UTP20: variants seen among roughly 807,000 people sequenced by gnomAD.
UTP20 encodes the protein small subunit processome component 20 homolog.
Under a neutral mutation model 329.5 loss-of-function variants are expected in UTP20, and 164 were observed. The ratio of observed to expected loss-of-function variants is 0.50; its 90% CI spans 0.44 to 0.57. The LOEUF is 0.57. UTP20 is among the 20% of genes least tolerant of loss of function. UTP20 has a pLI of 0.00. For synonymous variants in UTP20, 1,151 were observed against 1,159.3 expected (o/e 0.99, Z 0.14); for missense variants, 3,055 against 3,284.2 (o/e 0.93, Z 1.71).
At chr12:101,368,574 G>T (rs7304420) in intron 48 of UTP20, among the ~76,000 whole-genome samples, 33,419 of 151,998 alleles carry the variant, frequency 0.22, 8,344 homozygotes, top group African/African-American at 0.58. Flanking sequence ...CCTTAAGTAT[G>T]TCACTGGATC....
At chr12:101,360,517 A>G (rs1869876446) in intron 43 of UTP20, among the ~76,000 whole-genome samples, 1 of 152,196 alleles carries the variant, frequency 6.6e-6, no homozygotes, top group South Asian at 2.1e-4. Context: ...GTCTATATAT[A>G]AAAGTACTTA....
chr12:101,358,284 A>G (rs955721401), intron 43 of UTP20, among the ~76,000 whole-genome samples: 1 of 152,234 alleles, frequency 6.6e-6, no homozygotes, highest in African/African-American at 2.4e-5. Context: ...TAGAAACCAT[A>G]TCACCCTGTA....
Position 101,308,202 on chromosome 12 carries a change from G to A in UTP20, c.2013G>A (p.Glu671=). ...TTATTCAGGATGATGGGCTCTCAGA[G>A]CGGCAGTCTGTCTTTGCTATATTAC... ...PESMEDDGLS[E]RQSVFAILRQ... The change falls in exon 18 of 62, where the codon GAG becomes GAA. Residue 671 remains glutamate, a synonymous_variant. Coordinates refer to ENST00000261637, the MANE Select transcript of UTP20 (RefSeq NM_014503.3). The A allele has an allele frequency of 2.5e-6, 4 of 1,610,150 alleles. No homozygotes were observed. Among genetic ancestry groups the A allele is most frequent in the Non-Finnish European group, 3.4e-6 (4 of 1,178,220 alleles).
At position 101,345,506 on chromosome 12, in the gene UTP20, C is replaced by T. The variant is rs1229781403; in HGVS notation, c.4606-48C>T. The T allele has an allele frequency of 2.5e-6, 3 of 1,222,854 alleles. No individual in the cohort carries two copies. The African/African-American group carries it at 4.7e-5, about 19-fold the overall frequency. 75.8% of individuals were successfully genotyped at this position (1,222,854 alleles called of 1,614,324 possible). A position where few individuals can be genotyped will look rare whatever the true frequency, so the allele number is the denominator to read the frequency against. On this transcript the variant is annotated intron_variant, in intron 36 of 61. Transcript: ENST00000261637. ...TTTTTCTGTTTCCTCATATTAGAAA[C>T]AAATTCTTTTTAAAATAAAATGTTT...
In UTP20 at chr12:101,308,252, C is replaced by G. The variant is rs773955980; in HGVS notation, c.2063C>G (p.Thr688Ser). 56 of 1,613,162 alleles carry G rather than the reference C, an allele frequency of 3.5e-5. No individual in the cohort carries two copies. Among genetic ancestry groups the G allele is most frequent in the Non-Finnish European group, 4.7e-5 (56 of 1,179,598 alleles). ...CGCCAGGCAGAACTTGTTCCAGCAA[C>G]TGTGAATGATTATAGAGAGAAGCTT... ...ILRQAELVPA[T>S]VNDYREKLLH... Residue 688 changes from threonine (T) to serine (S), a missense_variant, in exon 18 of 62, where the codon ACT becomes AGT. This residue lies in a region of UTP20 where 2,445 missense variants were observed against 2,575.5 expected (regional missense o/e 0.95). Coordinates refer to ENST00000261637, the MANE Select transcript of UTP20 (RefSeq NM_014503.3).
intron 30 of UTP20, 120 bp downstream of exon 30, chr12:101,338,397 T>C: frequency 1.0e-6 from 1 of 964,114 alleles, no homozygotes; most frequent in East Asian, 2.5e-5. Context: ...GAAGTTTCTT[T>C]TCCCTGGGAA....
chr12:101,372,095 A>G lies in UTP20; in HGVS notation c.6799-789A>G, dbSNP rs570761725. 2.6e-5 allele frequency among the ~76,000 whole-genome samples: 4 copies of G among 152,376 alleles called. No individual in the cohort carries two copies. The South Asian group carries it at 8.3e-4, about 32-fold the overall frequency. ...TTAGGAAGAAGAAGGGTCAGCTGCTATTAAGCACTAGCTGTGTGCCTAGCA... is the reference window on the plus strand; with the variant it reads ...TTAGGAAGAAGAAGGGTCAGCTGCTGTTAAGCACTAGCTGTGTGCCTAGCA... On this transcript the variant is annotated intron_variant, in intron 51 of 61. Coordinates refer to ENST00000261637, the MANE Select transcript of UTP20 (RefSeq NM_014503.3).
intron 25 of UTP20, among the ~76,000 whole-genome samples, chr12:101,324,846 T>C (rs1868502329): frequency 6.6e-6 from 1 of 152,238 alleles, no homozygotes; most frequent in Non-Finnish European, 1.5e-5. Context: ...ATTCCTTTTT[T>C]GTAGTCTTTC....
intron 31 of UTP20, among the ~76,000 whole-genome samples, chr12:101,340,179 T>C (rs774699841): frequency 6.6e-6 from 1 of 152,208 alleles, no homozygotes; most frequent in African/African-American, 2.4e-5. Flanking sequence ...CCCTTAAGTC[T>C]TGGCACTTAA....
At chr12:101,348,804 T>A (rs1869419476) in intron 38 of UTP20, among the ~76,000 whole-genome samples, 1 of 135,912 alleles carries the variant, frequency 7.4e-6, no homozygotes, top group South Asian at 2.6e-4. Flanking sequence ...CTTAAACACC[T>A]GGCCTCAAGC....
intron 30 of UTP20, among the ~76,000 whole-genome samples, chr12:101,338,603 G>A (rs1869014140): frequency 6.6e-6 from 1 of 152,138 alleles, no homozygotes; most frequent in Non-Finnish European, 1.5e-5. Flanking sequence ...AGCCTCAGGG[G>A]TCTCTTAAAT....
In UTP20 at chr12:101,329,318, G is replaced by A. The variant is rs769498323; in HGVS notation, c.3286G>A (p.Gly1096Ser). 1.4e-5 allele frequency: 22 copies of A among 1,613,936 alleles called. No individual in the cohort carries two copies. The East Asian group carries it at 1.6e-4, about 11-fold the overall frequency. The change falls in exon 27 of 62, where the codon GGT (glycine) becomes AGT (serine). Residue 1096 changes from glycine to serine, a missense_variant. Transcript: ENST00000261637. ...SKVLPLGRQH[G>S]ILNSLEIVLK... Reference sequence around the variant, plus strand: ...AGTTCTTCCTTTAGGTCGTCAGCACGGTATCTTAAACAGCCTTGAGATAGT... The same window carrying A: ...AGTTCTTCCTTTAGGTCGTCAGCACAGTATCTTAAACAGCCTTGAGATAGT...
intron 41 of UTP20, among the ~76,000 whole-genome samples, chr12:101,356,118 T>A (rs1869712671): frequency 6.6e-6 from 1 of 152,146 alleles, no homozygotes; most frequent in African/African-American, 2.4e-5. Flanking sequence ...GAAAGAGCTG[T>A]TTTTCTTTTC....
Position 101,331,375 on chromosome 12 carries a change from A to T in UTP20, c.3417+1926A>T, listed in dbSNP as rs371211124. Among the ~76,000 whole-genome samples, 9 of 152,320 alleles carry T rather than the reference A, an allele frequency of 5.9e-5. No homozygotes were observed. The East Asian group carries it at 1.7e-3, about 29-fold the overall frequency. On this transcript the variant is annotated intron_variant, in intron 27 of 61. Coordinates refer to ENST00000261637, the MANE Select transcript of UTP20 (RefSeq NM_014503.3). Reference sequence around the variant, plus strand: ...TAATATGTTTTTTCAAATATCAGGGATAATTTTTATCTTTCACTAAACTTG... The same window carrying T: ...TAATATGTTTTTTCAAATATCAGGGTTAATTTTTATCTTTCACTAAACTTG...
chr12:101,347,569 A>G (rs1443534383), intron 38 of UTP20, among the ~76,000 whole-genome samples: 2 of 152,172 alleles, frequency 1.3e-5, no homozygotes, highest in Non-Finnish European at 2.9e-5. Flanking sequence ...ATAGAAATTC[A>G]AATCTAACTG....
chr12:101,286,246 C>T (rs1221880104), intron 4 of UTP20, 75 bp from the exon 5 acceptor site: 5 of 1,288,220 alleles, frequency 3.9e-6, no homozygotes, highest in Admixed American at 2.3e-5. Flanking sequence ...GATCATAGGC[C>T]ACCTACTATC....
intron 56 of UTP20, 126 bp from the exon 57 acceptor site, chr12:101,379,245 C>T: frequency 1.3e-6 from 1 of 796,446 alleles, no homozygotes; most frequent in Non-Finnish European, 1.9e-6. Context: ...CAGCCATTGG[C>T]TTATTTTGTT....
chr12:101,314,587 G>C (rs1872904995), intron 21 of UTP20, among the ~76,000 whole-genome samples: 1 of 151,898 alleles, frequency 6.6e-6, no homozygotes, highest in Non-Finnish European at 1.5e-5. Context: ...GAACCCGGGA[G>C]GTGGAGGTTG....
rs1218544277 is a variant in UTP20 at position 101,280,396 on chromosome 12, G to T, written c.45+69G>T. ...CTCAGTCGTGAGACAGGCTCTGAGC[G>T]AGACTCCAGGGGCCTCAGACTTCTG... is the stretch of plus-strand genomic sequence containing the variant. On this transcript the variant is annotated intron_variant, in intron 1 of 61. Transcript: ENST00000261637. The T allele has an allele frequency of 4.5e-6, 7 of 1,539,934 alleles. No homozygotes were observed. The Admixed American group carries it at 7.9e-5, about 17-fold the overall frequency.
Sources: gnomAD v4.1 joint callset for allele counts (sites outside exome capture counted in the v4.1 genomes callset) on GRCh38, gnomAD v4.1.1 for gene constraint, gnomAD v4.1.1 regional missense constraint, MANE v1.5 for transcripts, NCBI Gene and HGNC (gene_info 2026-07-23, HGNC 2026-07-21) for gene names.